SLC22A9: variants seen among roughly 807,000 people sequenced by gnomAD.
SLC22A9 encodes solute carrier family 22 member 9.
In SLC22A9, 64 loss-of-function variants were observed where a neutral mutation model predicts 50.1. That is an observed-to-expected ratio of 1.28 (90% CI 1.04 to 1.57). SLC22A9 has a LOEUF of 1.57. Ranked by LOEUF, SLC22A9 falls within the 40% of genes most tolerant of loss-of-function variation. The pLI is 0.00. For missense variants in SLC22A9, 757 were observed against 676.1 expected (o/e 1.12, Z -1.33); for synonymous variants, 261 against 242.5 (o/e 1.08, Z -0.71).
At chr11:63,397,437 C>G (rs903372108) in intron 6 of SLC22A9, among the ~76,000 whole-genome samples, 1 of 152,154 alleles carries the variant, frequency 6.6e-6, no homozygotes, top group African/African-American at 2.4e-5. Context: ...GTTGTCAAAG[C>G]TGGCTAGGTT....
chr11:63,382,275 G>A lies in SLC22A9; in HGVS notation c.1071G>A (p.Thr357=), dbSNP rs150251554. The A allele has an allele frequency of 5.0e-6, 8 of 1,601,066 alleles. No homozygotes were observed. The highest frequency in any genetic ancestry group is 4.5e-5 in the East Asian group (2 of 44,782). The stretch of plus-strand genomic sequence containing the variant: ...AAAGGATCTCCCTCCTGTCCTTTAC[G>A]AGGTAAGCTTCATGCAGTGTTTGAG... The part of the protein sequence containing the change: ...ICKRISLLSF[T]RFANFMAYFG... Residue 357 remains threonine (T), a splice_region_variant and synonymous_variant, in exon 6 of 10, where the codon ACG becomes ACA. Coordinates refer to ENST00000279178, the MANE Select transcript of SLC22A9 (RefSeq NM_080866.3).
intron 5 of SLC22A9, 25 bp downstream of exon 5, chr11:63,375,793 G>A: frequency 1.2e-6 from 2 of 1,607,122 alleles, no homozygotes; most frequent in Non-Finnish European, 8.5e-7. Flanking sequence ...AGCTAGATAT[G>A]GGATGTAGGG....
At chr11:63,402,641 C>G (rs1011504888) in intron 6 of SLC22A9, among the ~76,000 whole-genome samples, 18 of 150,536 alleles carry the variant, frequency 1.2e-4, no homozygotes, top group Non-Finnish European at 2.5e-4. Context: ...ACATGTGTAC[C>G]CCTAACCTAA....
chr11:63,396,455 C>A (rs1270334750), intron 6 of SLC22A9, among the ~76,000 whole-genome samples: 2 of 152,146 alleles, frequency 1.3e-5, no homozygotes, highest in Non-Finnish European at 2.9e-5. Flanking sequence ...GCAAAGTAGA[C>A]CTTCAGTTTC....
At chr11:63,381,938 G>A (rs1021425090) in intron 5 of SLC22A9, among the ~76,000 whole-genome samples, 3 of 152,066 alleles carry the variant, frequency 2.0e-5, no homozygotes, top group African/African-American at 7.2e-5. Context: ...TGGATCTCTT[G>A]TCTAAAATAT....
chr11:63,405,243 C>A (rs2015017023), intron 6 of SLC22A9, among the ~76,000 whole-genome samples: 1 of 152,074 alleles, frequency 6.6e-6, no homozygotes, highest in Non-Finnish European at 1.5e-5. Flanking sequence ...TTAAAGGAAG[C>A]AACAGGAAAG....
rs757903166 is a variant in SLC22A9 at position 63,408,813 on chromosome 11, C to A, written c.1535C>A (p.Ala512Asp). Reference protein sequence around the residue: ...YGVFPFISGFAFLLLPETRNK... With the variant: ...YGVFPFISGFDFLLLPETRNK... ...GTCTTCCCCTTCATCTCTGGCTTTG[C>A]TTTCCTCCTCCTTCCTGAAACCAGG... Residue 512 changes from alanine (A) to aspartate (D), a missense_variant, in exon 9 of 10, where the codon GCT (alanine) becomes GAT (aspartate). By Grantham distance (126) the Ala-to-Asp change is moderately radical. Transcript: ENST00000279178. 4 of 1,614,004 alleles carry A rather than the reference C, an allele frequency of 2.5e-6. No individual in the cohort carries two copies. Among genetic ancestry groups the A allele is most frequent in the Non-Finnish European group, 3.4e-6 (4 of 1,179,926 alleles).
At position 63,405,032 on chromosome 11, in the gene SLC22A9, G is replaced by A. The variant is rs1197322384; in HGVS notation, c.1074-1465G>A. On this transcript the variant is annotated intron_variant, in intron 6 of 9. Coordinates refer to ENST00000279178, the MANE Select transcript of SLC22A9 (RefSeq NM_080866.3). ...AGATGAGGCAGAAATGAAGCAACTG[G>A]CTGAGAAACCAAAATCTCAGAAATC... Among the ~76,000 whole-genome samples the A allele has an allele frequency of 5.9e-5, 9 of 152,184 alleles. No individual in the cohort carries two copies. The East Asian group carries it at 1.7e-3, about 29-fold the overall frequency.
chr11:63,392,410 T>A (rs2014780406), intron 6 of SLC22A9, among the ~76,000 whole-genome samples: 1 of 152,126 alleles, frequency 6.6e-6, no homozygotes, highest in Non-Finnish European at 1.5e-5. Flanking sequence ...CTGGTGTTGA[T>A]GAAATCCCTC....
At chr11:63,391,915 G>T (rs2014770639) in intron 6 of SLC22A9, among the ~76,000 whole-genome samples, 2 of 151,662 alleles carry the variant, frequency 1.3e-5, no homozygotes, top group African/African-American at 4.8e-5. Context: ...ATTCCTTTAG[G>T]TGAAGATGAC....
At chr11:63,404,206 G>A (rs2014999119) in intron 6 of SLC22A9, among the ~76,000 whole-genome samples, 1 of 148,610 alleles carries the variant, frequency 6.7e-6, no homozygotes, top group Non-Finnish European at 1.5e-5. Context: ...ATGAACCTTG[G>A]GCTAGCACAG....
intron 6 of SLC22A9, among the ~76,000 whole-genome samples, chr11:63,400,750 C>A (rs1411817662): frequency 1.3e-5 from 2 of 152,044 alleles, no homozygotes; most frequent in Non-Finnish European, 2.9e-5. Context: ...TGTAAAAATT[C>A]TCAACAAAAT....
At chr11:63,374,913 A>G (rs889643677) in intron 4 of SLC22A9, among the ~76,000 whole-genome samples, 1 of 152,144 alleles carries the variant, frequency 6.6e-6, no homozygotes, top group African/African-American at 2.4e-5. Context: ...TCAGTATTCC[A>G]TCTTCCTTCT....
In SLC22A9 at chr11:63,395,486, T is replaced by G. The variant is rs623990; in HGVS notation, c.1074-11011T>G. Among the ~76,000 whole-genome samples, 219 of 152,008 alleles carry G rather than the reference T, an allele frequency of 1.4e-3. 3 individuals are homozygous for G. The East Asian group carries it at 0.039, about 27-fold the overall frequency. ...AGCTGAGCTGCACTGATTGTTATCTTGCTTCTGGATCTAGCCATCCAACAA... is the reference window on the plus strand; with the variant it reads ...AGCTGAGCTGCACTGATTGTTATCTGGCTTCTGGATCTAGCCATCCAACAA... On this transcript the variant is annotated intron_variant, in intron 6 of 9. Coordinates refer to ENST00000279178, the MANE Select transcript of SLC22A9 (RefSeq NM_080866.3).
chr11:63,373,123 CTTTT>C (rs745704793), intron 2 of SLC22A9, among the ~76,000 whole-genome samples: 2 of 131,834 alleles, frequency 1.5e-5, no homozygotes, highest in African/African-American at 5.6e-5. Context: ...CTTTTTTTTC[CTTTT>C]TTTTTTTCTT....
intron 6 of SLC22A9, among the ~76,000 whole-genome samples, chr11:63,397,602 TCTTTTCCATTCTTCCCACC>T (rs2014881676): frequency 6.6e-6 from 1 of 151,980 alleles, no homozygotes; most frequent in Non-Finnish European, 1.5e-5. Context: ...CAAAAGAAAG[TCTTTTCCATTCTTCCCACC>T]CTTTTCCACA....
chr11:63,403,816 T>TC, intron 6 of SLC22A9, among the ~76,000 whole-genome samples: 2 of 151,222 alleles, frequency 1.3e-5, no homozygotes, highest in East Asian at 1.9e-4. Context: ...CAAAAATAAA[T>TC]AAATAAATCA....
Position 63,370,088 on chromosome 11 carries a change from G to T in SLC22A9, c.32G>T (p.Gly11Val), listed in dbSNP as rs758378636. 33 of 1,613,568 alleles carry T rather than the reference G, an allele frequency of 2.0e-5. No homozygotes were observed. The highest frequency in any genetic ancestry group is 2.5e-5 in the Non-Finnish European group (30 of 1,179,736). MAFQDLLGHA[G>V]DLWRFQILQT... The stretch of plus-strand genomic sequence containing the variant: ...TTTCAGGACCTCCTGGGTCACGCTG[G>T]TGACCTGTGGAGATTCCAGATCCTT... The change falls in exon 1 of 10, where the codon GGT (glycine) becomes GTT (valine). Residue 11 changes from glycine to valine, a missense_variant. Coordinates refer to ENST00000279178, the MANE Select transcript of SLC22A9 (RefSeq NM_080866.3).
intron 6 of SLC22A9, 25 bp downstream of exon 6, chr11:63,382,302 G>C: frequency 6.6e-7 from 1 of 1,525,574 alleles, no homozygotes; most frequent in Non-Finnish European, 9.0e-7. Flanking sequence ...GTGTTTGAGG[G>C]TAAGTTACAG....
Sources: allele counts gnomAD v4.1 joint callset (sites outside exome capture counted in the v4.1 genomes callset), GRCh38; gene constraint gnomAD v4.1.1; transcripts MANE v1.5; gene names NCBI Gene and HGNC (gene_info 2026-07-23, HGNC 2026-07-21).